Variants in LYPLAL1 observed in about 807,000 individuals in gnomAD.
The protein encoded by LYPLAL1 is lysophospholipase like 1.
A neutral mutation model predicts 19.7 loss-of-function variants in LYPLAL1; 23 were observed. That is an observed-to-expected ratio of 1.17 (90% CI 0.84 to 1.65). LYPLAL1 has a LOEUF of 1.65. LYPLAL1 is among the 40% of genes most tolerant of loss of function. The pLI, the probability that LYPLAL1 is intolerant of heterozygous loss-of-function variation, is 0.00. For synonymous variants in LYPLAL1, 119 were observed against 96.3 expected, an observed-to-expected ratio of 1.24 and a Z score of -1.38; for missense variants, 355 against 279.4, an observed-to-expected ratio of 1.27 and a Z score of -1.93.
chr1:219,282,873 A>C, the LYPLAL1 span, among the ~76,000 whole-genome samples: 1 of 152,208 alleles, frequency 6.6e-6, no homozygotes, highest in South Asian at 2.1e-4. Context: ...GATGAAGGGA[A>C]GGTTCATGAT....
At chr1:219,419,333 T>G in the LYPLAL1 span, among the ~76,000 whole-genome samples, 369 of 152,294 alleles carry the variant, frequency 2.4e-3, 1 homozygote, top group African/African-American at 7.9e-3. Flanking sequence ...TCAGAGTCCC[T>G]GTGCCAGCGA....
At chr1:219,412,666 A>G in the LYPLAL1 span, among the ~76,000 whole-genome samples, 9 of 152,276 alleles carry the variant, frequency 5.9e-5, no homozygotes, top group African/African-American at 1.7e-4. Context: ...ATTCATATAG[A>G]ACCTCCTCTA....
the LYPLAL1 span, among the ~76,000 whole-genome samples, chr1:219,269,603 T>A: frequency 7.6e-3 from 1,152 of 151,924 alleles, 4 homozygotes; most frequent in South Asian, 0.023. Context: ...TCTAGGCCAA[T>A]TAATCTATGC....
the LYPLAL1 span, among the ~76,000 whole-genome samples, chr1:219,329,641 C>T: frequency 6.6e-6 from 1 of 152,154 alleles, no homozygotes; most frequent in Non-Finnish European, 1.5e-5. Context: ...CTGGAATGCC[C>T]GGTGAGCCTT....
chr1:219,224,348 A>C, the LYPLAL1 span, among the ~76,000 whole-genome samples: 3 of 152,190 alleles, frequency 2.0e-5, no homozygotes, highest in Non-Finnish European at 4.4e-5. Flanking sequence ...TATCAATTTC[A>C]AATAGTAGCT....
At chr1:219,244,211 G>A in the LYPLAL1 span, among the ~76,000 whole-genome samples, 2 of 152,140 alleles carry the variant, frequency 1.3e-5, no homozygotes, top group East Asian at 3.8e-4. Flanking sequence ...AGTAAGTGAG[G>A]GATGCAGTTA....
chr1:219,397,318 AT>A, the LYPLAL1 span, among the ~76,000 whole-genome samples: 65 of 152,068 alleles, frequency 4.3e-4, no homozygotes, highest in Admixed American at 9.2e-4. Context: ...CAGTTTGCCA[AT>A]TTTTTGTAGA....
the LYPLAL1 span, among the ~76,000 whole-genome samples, chr1:219,372,100 ACACCTT>A: frequency 2.6e-5 from 4 of 152,090 alleles, no homozygotes; most frequent in African/African-American, 9.7e-5. Context: ...GCTTATTGCT[ACACCTT>A]CACCTCACAT....
chr1:219,189,798 G>A (rs1438629637), intron 2 of LYPLAL1, among the ~76,000 whole-genome samples: 1 of 151,622 alleles, frequency 6.6e-6, no homozygotes, highest in Non-Finnish European at 1.5e-5. Flanking sequence ...ATATTAATTA[G>A]AATTCCAAAA....
chr1:219,218,107 G>A, the LYPLAL1 span, among the ~76,000 whole-genome samples: 1 of 151,922 alleles, frequency 6.6e-6, no homozygotes, highest in African/African-American at 2.4e-5. Context: ...AATAGGCAGT[G>A]ACCATCAGTA....
downstream of LYPLAL1, among the ~76,000 whole-genome samples, chr1:219,214,384 T>C (rs1326827582): frequency 6.6e-6 from 1 of 152,144 alleles, no homozygotes; most frequent in Non-Finnish European, 1.5e-5. Flanking sequence ...ATTAGCTTCA[T>C]AAAATAGATT....
chr1:219,200,808 T>G lies in LYPLAL1; in HGVS notation c.361+7557T>G, dbSNP rs192685999. Among the ~76,000 whole-genome samples, 9 of 152,350 alleles carry G rather than the reference T, an allele frequency of 5.9e-5. No homozygotes were observed. In the East Asian group the frequency reaches 1.3e-3, roughly 23 times the overall value. On this transcript the variant is annotated intron_variant, in intron 3 of 4. Transcript: ENST00000366928. The stretch of plus-strand genomic sequence containing the variant: ...AGAGAGGAACAGCCAGGTGAAGAGA[T>G]ATATATGGCAAGGTCTGGAAGGGTC...
At chr1:219,196,766 A>T (rs2125075871) in intron 3 of LYPLAL1, among the ~76,000 whole-genome samples, 1 of 152,284 alleles carries the variant, frequency 6.6e-6, no homozygotes, top group South Asian at 2.1e-4. Flanking sequence ...TTTCAGCCCC[A>T]AAGCTTCTTA....
At chr1:219,257,697 G>A in the LYPLAL1 span, among the ~76,000 whole-genome samples, 8 of 152,050 alleles carry the variant, frequency 5.3e-5, no homozygotes, top group African/African-American at 1.9e-4. Flanking sequence ...AAGGCAAAGA[G>A]CAAAATTAGA....
the LYPLAL1 span, among the ~76,000 whole-genome samples, chr1:219,234,810 C>T: frequency 6.6e-6 from 1 of 152,124 alleles, no homozygotes; most frequent in Non-Finnish European, 1.5e-5. Context: ...CATGTTCACT[C>T]AATCGAGTGC....
At chr1:219,370,607 G>A in the LYPLAL1 span, among the ~76,000 whole-genome samples, 1 of 152,216 alleles carries the variant, frequency 6.6e-6, no homozygotes, top group Non-Finnish European at 1.5e-5. Flanking sequence ...GGAGATAGAA[G>A]GCTGGGGATA....
chr1:219,293,017 G>T, the LYPLAL1 span, among the ~76,000 whole-genome samples: 6 of 152,292 alleles, frequency 3.9e-5, no homozygotes, highest in Non-Finnish European at 8.8e-5. Context: ...CAACCTTTTA[G>T]CTGTGGCCTC....
At chr1:219,378,994 T>C in the LYPLAL1 span, among the ~76,000 whole-genome samples, 1 of 152,192 alleles carries the variant, frequency 6.6e-6, no homozygotes, top group African/African-American at 2.4e-5. Flanking sequence ...TAATTCATAC[T>C]ATTTCAATTT....
At chr1:219,411,806 G>A in the LYPLAL1 span, 45,676 of 164,874 alleles carry the variant, frequency 0.28, 6,992 homozygotes, top group East Asian at 0.52. Context: ...ACATCAGAAG[G>A]GACAGACTCC....
Sources: gnomAD v4.1 joint callset for allele counts (sites outside exome capture counted in the v4.1 genomes callset) on GRCh38, gnomAD v4.1.1 for gene constraint, MANE v1.5 for transcripts, NCBI Gene and HGNC (gene_info 2026-07-23, HGNC 2026-07-21) for gene names.